DTNBP1: variants seen among roughly 807,000 people sequenced by gnomAD.
DTNBP1 encodes dysbindin.
In DTNBP1, 35 loss-of-function variants were observed where a neutral mutation model predicts 42.8. The ratio of observed to expected loss-of-function variants is 0.82; its 90% CI spans 0.63 to 1.09. DTNBP1 has a LOEUF of 1.09. DTNBP1 is among the 50% of genes least tolerant of loss of function. The pLI, the probability that DTNBP1 is intolerant of heterozygous loss-of-function variation, is 0.00. For synonymous variants in DTNBP1, 171 were observed against 162.2 expected, an observed-to-expected ratio of 1.05 and a Z score of -0.41; for missense variants, 457 against 424.2, an observed-to-expected ratio of 1.08 and a Z score of -0.68.
At chr6:15,533,158 T>A in intron 8 of DTNBP1, 82 bp downstream of exon 8, 2 of 1,592,516 alleles carry the variant, frequency 1.3e-6, no homozygotes, top group East Asian at 2.2e-5. Flanking sequence ...TTCTGCCCCA[T>A]GCCCTGCTCT....
At chr6:15,653,822 A>G (rs752555074) in intron 1 of DTNBP1, among the ~76,000 whole-genome samples, 1 of 152,224 alleles carries the variant, frequency 6.6e-6, no homozygotes, top group Middle Eastern at 3.2e-3. Flanking sequence ...AAAAACAGAA[A>G]TAGCTGCTCC....
intron 8 of DTNBP1, among the ~76,000 whole-genome samples, chr6:15,529,926 C>T (rs892615579): frequency 2.0e-4 from 30 of 152,262 alleles, no homozygotes; most frequent in African/African-American, 6.5e-4. Flanking sequence ...TCAGCCCTCC[C>T]GGCACCGCCT....
At chr6:15,648,861 A>C (rs776209919) in intron 3 of DTNBP1, among the ~76,000 whole-genome samples, 7 of 152,090 alleles carry the variant, frequency 4.6e-5, no homozygotes, top group Non-Finnish European at 1.0e-4. Flanking sequence ...CATTCTTTGC[A>C]AACAATAGAA....
At chr6:15,543,580 G>A (rs140426244) in intron 7 of DTNBP1, among the ~76,000 whole-genome samples, 2 of 152,308 alleles carry the variant, frequency 1.3e-5, no homozygotes, top group African/African-American at 2.4e-5. Context: ...GAGAAAAATT[G>A]TTAAGTACAA....
At chr6:15,591,507 G>C (rs1469181045) in intron 7 of DTNBP1, among the ~76,000 whole-genome samples, 1 of 152,110 alleles carries the variant, frequency 6.6e-6, no homozygotes, top group Non-Finnish European at 1.5e-5. Context: ...TCAATTTAGG[G>C]TTTGTTCATA....
chr6:15,616,224 T>C (rs758616825), intron 5 of DTNBP1, among the ~76,000 whole-genome samples: 6 of 152,292 alleles, frequency 3.9e-5, no homozygotes, highest in South Asian at 2.1e-4. Context: ...TAAACTGAGA[T>C]TGTAGGGGCA....
intron 5 of DTNBP1, among the ~76,000 whole-genome samples, chr6:15,624,999 G>A (rs1484663681): frequency 1.3e-5 from 2 of 152,092 alleles, no homozygotes; most frequent in Non-Finnish European, 2.9e-5. Context: ...AAAGAATATC[G>A]TCAGCAATGA....
intron 4 of DTNBP1, among the ~76,000 whole-genome samples, chr6:15,632,455 GTATAAGAA>G (rs1759746919): frequency 6.6e-6 from 1 of 152,024 alleles, no homozygotes; most frequent in Non-Finnish European, 1.5e-5. Context: ...TTTCTACCCA[GTATAAGAA>G]ACATGAAAAA....
intron 7 of DTNBP1, among the ~76,000 whole-genome samples, chr6:15,584,693 C>T (rs1032385508): frequency 3.1e-5 from 4 of 127,988 alleles, no homozygotes; most frequent in African/African-American, 8.6e-5. Flanking sequence ...AGATGAGAGA[C>T]AACATGTATT....
chr6:15,540,553 A>G (rs890247214), intron 7 of DTNBP1, among the ~76,000 whole-genome samples: 1 of 152,150 alleles, frequency 6.6e-6, no homozygotes, highest in African/African-American at 2.4e-5. Context: ...TTGGCCCTTC[A>G]GTTTATCTCA....
rs2113843975 is a variant in DTNBP1, at chr6:15,662,952, G to A, written c.-83C>T. ...CCCTGGGTCCCACGCCGCCAACCCC[G>A]CGCTGTCACCGCGCGCCCCGCACTC... On this transcript the variant is annotated 5_prime_UTR_variant, in exon 1 of 10. Transcript: ENST00000344537. 1.3e-6 allele frequency: 2 copies of A among 1,578,510 alleles called. No homozygotes were observed. Among genetic ancestry groups the A allele is most frequent in the South Asian group, 1.1e-5 (1 of 90,400 alleles).
In DTNBP1 at chr6:15,524,484, G is replaced by A. The variant is rs144524387; in HGVS notation, c.811+42C>T. 3.5e-4 allele frequency: 559 copies of A among 1,611,932 alleles called. 1 individual carries two copies. Among genetic ancestry groups the A allele is most frequent in the Middle Eastern group, 5.0e-4 (3 of 6,058 alleles). On this transcript the variant is annotated intron_variant, in intron 9 of 9. Transcript: ENST00000344537. The stretch of plus-strand genomic sequence containing the variant: ...CTCACCTTTGGAGGGGAGTGGCATC[G>A]ATACTGCCCTGGTTCAGCTAATGCA...
At chr6:15,625,941 C>T (rs1472596965) in intron 5 of DTNBP1, among the ~76,000 whole-genome samples, 1 of 152,192 alleles carries the variant, frequency 6.6e-6, no homozygotes, top group African/African-American at 2.4e-5. Context: ...GCAATCACAG[C>T]CATTTTACAC....
At chr6:15,633,554 G>T (rs2619548) in intron 4 of DTNBP1, among the ~76,000 whole-genome samples, 19,251 of 152,144 alleles carry the variant, frequency 0.13, 1,544 homozygotes, top group African/African-American at 0.23. Context: ...AGATGTGACT[G>T]AATTGCCACA....
rs376313138 is a variant in DTNBP1, at chr6:15,524,634, C to T, written c.703G>A (p.Val235Met). The change falls in exon 9 of 10, where the codon GTG (valine) becomes ATG (methionine). Residue 235 changes from valine (V) to methionine (M), a missense_variant. By Grantham distance (21) the Val-to-Met change is conservative. Transcript: ENST00000344537. ...IGSMSSMEVN[V>M]DMLEQMDLMD... Reference sequence around the variant, plus strand: ...AGGTCCATCTGCTCCAGCATGTCCACGTTCACTTCCATGGATGACATGCTG... The same window carrying T: ...AGGTCCATCTGCTCCAGCATGTCCATGTTCACTTCCATGGATGACATGCTG... 93 of 1,613,816 alleles carry T rather than the reference C, an allele frequency of 5.8e-5. No individual in the cohort carries two copies. The highest frequency in any genetic ancestry group is 7.1e-5 in the Non-Finnish European group (84 of 1,180,014).
At chr6:15,607,370 T>C (rs531504331) in intron 6 of DTNBP1, among the ~76,000 whole-genome samples, 1 of 152,128 alleles carries the variant, frequency 6.6e-6, no homozygotes, top group Non-Finnish European at 1.5e-5. Flanking sequence ...GGCACGATCT[T>C]GGCTCACTGC....
chr6:15,548,460 C>G (rs1325756366), intron 7 of DTNBP1: 1 of 151,824 alleles, frequency 6.6e-6, no homozygotes, highest in Admixed American at 6.6e-5. Context: ...CACACACACA[C>G]ACACACACAC....
In DTNBP1 at chr6:15,617,894, A is replaced by C. The variant is rs566052553; in HGVS notation, c.356-2495T>G. On this transcript the variant is annotated intron_variant, in intron 5 of 9. Coordinates refer to ENST00000344537, the MANE Select transcript of DTNBP1 (RefSeq NM_032122.5). ...CAAACTAGACTGTATCAAACTAAAA[A>C]GCTTCTGCCTGGAGAAAAAAAAACA... Among the ~76,000 whole-genome samples the C allele has an allele frequency of 8.8e-4, 134 of 152,316 alleles. 1 individual carries two copies. Among genetic ancestry groups the C allele is most frequent in the Admixed American group, 4.4e-3 (68 of 15,296 alleles).
At chr6:15,556,050 A>G (rs551822126) in intron 7 of DTNBP1, among the ~76,000 whole-genome samples, 4 of 152,226 alleles carry the variant, frequency 2.6e-5, no homozygotes, top group Non-Finnish European at 5.9e-5. Flanking sequence ...GAATTGGGTT[A>G]GAGGCCCAAC....
Sources: allele counts gnomAD v4.1 joint callset (sites outside exome capture counted in the v4.1 genomes callset), GRCh38; gene constraint gnomAD v4.1.1; transcripts MANE v1.5; gene names NCBI Gene and HGNC (gene_info 2026-07-23, HGNC 2026-07-21).